Variants in TMPRSS11E observed in about 807,000 individuals in gnomAD.
TMPRSS11E encodes transmembrane serine protease 11E, also known as transmembrane protease serine 11E.
TMPRSS11E carries 38 observed loss-of-function variants against 48.1 expected under a neutral mutation model. The ratio of observed to expected loss-of-function variants is 0.79; its 90% CI spans 0.61 to 1.04. The LOEUF (loss-of-function observed/expected upper bound fraction) is 1.04, where lower values mean the gene tolerates loss of function less well. TMPRSS11E is among the 50% of genes least tolerant of loss of function. The pLI, the probability that TMPRSS11E is intolerant of heterozygous loss-of-function variation, is 0.00. For synonymous variants in TMPRSS11E, 158 were observed against 171.9 expected, an observed-to-expected ratio of 0.92 and a Z score of 0.63; for missense variants, 530 against 510.8, an observed-to-expected ratio of 1.04 and a Z score of -0.36.
At chr4:68,448,217 A>G (rs1728393537) in intron 1 of TMPRSS11E, among the ~76,000 whole-genome samples, 2 of 151,886 alleles carry the variant, frequency 1.3e-5, no homozygotes, top group African/African-American at 4.8e-5. Context: ...TGATTCTCAT[A>G]TTGGCATATC....
At chr4:68,476,185 T>C in intron 6 of TMPRSS11E, 76 bp from the exon 7 acceptor site, 5 of 1,586,254 alleles carry the variant, frequency 3.2e-6, no homozygotes, top group Non-Finnish European at 4.3e-6. Context: ...ATATGGGACA[T>C]AGTAACACAA....
intron 9 of TMPRSS11E, among the ~76,000 whole-genome samples, chr4:68,485,619 T>C (rs1578144343): frequency 6.6e-6 from 1 of 152,198 alleles, no homozygotes; most frequent in Admixed American, 6.5e-5. Context: ...TCTCTTTTTG[T>C]TGTGTCTCTT....
intron 9 of TMPRSS11E, among the ~76,000 whole-genome samples, chr4:68,494,307 G>T (rs1350530291): frequency 1.3e-5 from 2 of 152,076 alleles, no homozygotes; most frequent in Non-Finnish European, 2.9e-5. Flanking sequence ...TGTGCCATTT[G>T]AAACTCAACA....
At chr4:68,492,279 T>G (rs1729745990) in intron 9 of TMPRSS11E, among the ~76,000 whole-genome samples, 1 of 152,210 alleles carries the variant, frequency 6.6e-6, no homozygotes, top group Admixed American at 6.5e-5. Flanking sequence ...TCACTAAAAT[T>G]TATTTGTAAC....
At chr4:68,480,803 C>T (rs140661403) in intron 9 of TMPRSS11E, among the ~76,000 whole-genome samples, 41,828 of 151,952 alleles carry the variant, frequency 0.28, 6,420 homozygotes, top group Middle Eastern at 0.44. Context: ...TACTTTGCTT[C>T]TTCCAACTTT....
At chr4:68,471,241 TTTTC>T (rs963055780) in intron 4 of TMPRSS11E, among the ~76,000 whole-genome samples, 2 of 151,472 alleles carry the variant, frequency 1.3e-5, no homozygotes, top group Non-Finnish European at 3.0e-5. Context: ...TTCTCTTTTC[TTTTC>T]TTTCTCTCTC....
intron 1 of TMPRSS11E, among the ~76,000 whole-genome samples, chr4:68,461,213 A>G (rs1310577286): frequency 6.6e-6 from 1 of 152,136 alleles, no homozygotes; most frequent in Non-Finnish European, 1.5e-5. Context: ...AAAGGTAAAT[A>G]TTAGCTCAAA....
chr4:68,461,838 C>T lies in TMPRSS11E; in HGVS notation c.29C>T (p.Ala10Val). The T allele has an allele frequency of 6.2e-7, 1 of 1,614,148 alleles. No homozygotes were observed. The highest frequency in any genetic ancestry group is 8.5e-7 in the Non-Finnish European group (1 of 1,179,998). ...TTCCTTAGGCCAGATGTGGTGAGGG[C>T]TAGGAAAAGAGTTTGTTGGGAACCC... MMYRPDVVR[A>V]RKRVCWEPWV... The change falls in exon 2 of 10, where the codon GCT becomes GTT. Residue 10 changes from alanine to valine, a missense_variant. Ala to Val is a moderately conservative substitution (Grantham distance 64). Coordinates refer to ENST00000305363, the MANE Select transcript of TMPRSS11E (RefSeq NM_014058.4).
intron 9 of TMPRSS11E, among the ~76,000 whole-genome samples, chr4:68,488,171 G>A (rs1356129942): frequency 6.6e-6 from 1 of 151,890 alleles, no homozygotes; most frequent in Non-Finnish European, 1.5e-5. Context: ...ATATCTCTGG[G>A]GTTCTCTGAA....
intron 8 of TMPRSS11E, among the ~76,000 whole-genome samples, chr4:68,478,451 C>CTTTTTTTTTTTTTTTTTTTTTTTT (rs377068765): frequency 1.4e-5 from 1 of 73,616 alleles, no homozygotes; most frequent in Non-Finnish European, 2.3e-5. Context: ...GTATCCCCCG[C>CTTTTTTTTTTTTTTTTTTTTTTTT]TTTTTTTTTT....
chr4:68,495,502 A>G (rs1215677654), intron 9 of TMPRSS11E, among the ~76,000 whole-genome samples: 1 of 152,142 alleles, frequency 6.6e-6, no homozygotes, highest in African/African-American at 2.4e-5. Flanking sequence ...AGAGGACAAG[A>G]TCCATGTGTT....
chr4:68,476,130 A>G lies in TMPRSS11E; in HGVS notation c.530-131A>G, dbSNP rs188061192. 3.6e-3 allele frequency: 4,334 copies of G among 1,204,048 alleles called. 8 individuals carry two copies. The highest frequency in any genetic ancestry group is 4.8e-3 in the Non-Finnish European group (4,001 of 833,618). The allele number at this position is 1,204,048 out of a possible 1,614,324, so 74.6% of individuals were successfully genotyped here. A position where few individuals can be genotyped will look rare whatever the true frequency, so the allele number is the denominator to read the frequency against. On this transcript the variant is annotated intron_variant, in intron 6 of 9. Coordinates refer to ENST00000305363, the MANE Select transcript of TMPRSS11E (RefSeq NM_014058.4). ...ACACTACAGTTTACAGAAAGGTAAG[A>G]GCATGAGAAAACATTTGATACTTTT...
intron 7 of TMPRSS11E, 84 bp downstream of exon 7, chr4:68,476,522 A>T (rs896819014): frequency 2.2e-6 from 3 of 1,379,408 alleles, no homozygotes; most frequent in African/African-American, 2.9e-5. Context: ...ATTTTGGGAG[A>T]TATGAGTTTA....
chr4:68,459,950 A>G (rs1320958113), intron 1 of TMPRSS11E, among the ~76,000 whole-genome samples: 2 of 152,186 alleles, frequency 1.3e-5, no homozygotes, highest in Admixed American at 6.5e-5. Context: ...AGTTGCACAT[A>G]AAACATAATC....
At chr4:68,488,635 T>C (rs1033963760) in intron 9 of TMPRSS11E, among the ~76,000 whole-genome samples, 4 of 152,076 alleles carry the variant, frequency 2.6e-5, no homozygotes, top group African/African-American at 9.7e-5. Context: ...GCCTCCCGGG[T>C]TAATGCCATT....
intron 1 of TMPRSS11E, among the ~76,000 whole-genome samples, chr4:68,459,595 CT>C (rs1202305035): frequency 6.6e-6 from 1 of 152,010 alleles, no homozygotes; most frequent in Non-Finnish European, 1.5e-5. Context: ...TATCATTAAC[CT>C]TTTTAATGTT....
chr4:68,455,783 G>A (rs371239301), intron 1 of TMPRSS11E, among the ~76,000 whole-genome samples: 4 of 151,876 alleles, frequency 2.6e-5, no homozygotes, highest in Non-Finnish European at 5.9e-5. Context: ...GGCATCGCTC[G>A]TTAACTTTGC....
At chr4:68,469,055 T>A in intron 4 of TMPRSS11E, 109 bp downstream of exon 4, 2 of 900,854 alleles carry the variant, frequency 2.2e-6, no homozygotes, top group Admixed American at 4.2e-5. Flanking sequence ...CCAACAAACA[T>A]TTGACACTTG....
chr4:68,455,735 T>C (rs1406702), intron 1 of TMPRSS11E, among the ~76,000 whole-genome samples: 78,562 of 151,682 alleles, frequency 0.52, 21,361 homozygotes, highest in Non-Finnish European at 0.61. Flanking sequence ...TTCTTCCACA[T>C]TTTGAAGTGT....
Sources: gnomAD v4.1 joint callset for allele counts (sites outside exome capture counted in the v4.1 genomes callset) on GRCh38, gnomAD v4.1.1 for gene constraint, MANE v1.5 for transcripts, NCBI Gene and HGNC (gene_info 2026-07-23, HGNC 2026-07-21) for gene names.